The following SMIM36 variants were observed in gnomAD, a reference collection of about 807,000 sequenced individuals.
SMIM36 encodes the protein small integral membrane protein 36.
At chr17:55,463,826 T>C (rs1909187097) in intron 4 of SMIM36, among the ~76,000 whole-genome samples, 1 of 151,740 alleles carries the variant, frequency 6.6e-6, no homozygotes, top group South Asian at 2.1e-4. Context: ...TTTCTGACTA[T>C]AAGAAAAGAG....
At chr17:55,518,514 T>C in the SMIM36 span, among the ~76,000 whole-genome samples, 1 of 152,148 alleles carries the variant, frequency 6.6e-6, no homozygotes, top group Admixed American at 6.5e-5. Flanking sequence ...GACTGTTAGT[T>C]TTGAGATTTT....
intron 1 of SMIM36, among the ~76,000 whole-genome samples, chr17:55,484,612 G>A (rs1030731909): frequency 1.5e-4 from 23 of 152,208 alleles, no homozygotes; most frequent in African/African-American, 5.6e-4. Flanking sequence ...AAAAGATGAG[G>A]CTGCATCAGG....
intron 3 of SMIM36, among the ~76,000 whole-genome samples, chr17:55,472,878 AAAAG>A (rs796462496): frequency 0.034 from 4,775 of 140,136 alleles, 278 homozygotes; most frequent in African/African-American, 0.12. Flanking sequence ...AAAAAAAAAA[AAAAG>A]AAAAGAAAAG....
chr17:55,525,603 A>G, the SMIM36 span, among the ~76,000 whole-genome samples: 7 of 152,348 alleles, frequency 4.6e-5, no homozygotes, highest in African/African-American at 1.7e-4. Flanking sequence ...CACTGAGGAT[A>G]GGGACAAAAT....
chr17:55,513,257 GA>G (rs1279946821), upstream of SMIM36, among the ~76,000 whole-genome samples: 3 of 152,032 alleles, frequency 2.0e-5, no homozygotes, highest in African/African-American at 7.2e-5. Flanking sequence ...TATAAAAGTA[GA>G]AAAAAAGGAC....
chr17:55,501,245 G>A (rs1484603267), intron 1 of SMIM36, among the ~76,000 whole-genome samples: 18 of 11,996 alleles, frequency 1.5e-3, no homozygotes, highest in South Asian at 2.5e-3. Context: ...ATATAATATA[G>A]TATTATATTT....
chr17:55,499,219 T>C (rs1381582324), intron 1 of SMIM36, among the ~76,000 whole-genome samples: 1 of 152,064 alleles, frequency 6.6e-6, no homozygotes, highest in Non-Finnish European at 1.5e-5. Flanking sequence ...GAGGAGAAAA[T>C]CTGAAAGTCC....
intron 1 of SMIM36, among the ~76,000 whole-genome samples, chr17:55,501,476 AATT>A (rs1156509042): frequency 1.8e-4 from 17 of 95,760 alleles, no homozygotes; most frequent in African/African-American, 6.5e-4. Flanking sequence ...TATATTTTAT[AATT>A]ATTATATATA....
chr17:55,509,864 G>A (rs1910150552), intron 1 of SMIM36, among the ~76,000 whole-genome samples: 1 of 152,166 alleles, frequency 6.6e-6, no homozygotes, highest in African/African-American at 2.4e-5. Flanking sequence ...TGAAGGGAGA[G>A]CAGGCAGTGT....
At chr17:55,493,808 CAAAAAAAAAAAA>C (rs10555912) in intron 1 of SMIM36, among the ~76,000 whole-genome samples, 2 of 65,086 alleles carry the variant, frequency 3.1e-5, no homozygotes, top group Non-Finnish European at 6.3e-5. Context: ...CTCTCTCTCT[CAAAAAAAAAAAA>C]AAAAAAAAAA....
At chr17:55,532,114 T>C in the SMIM36 span, among the ~76,000 whole-genome samples, 1,762 of 152,350 alleles carry the variant, frequency 0.012, 44 homozygotes, top group East Asian at 0.093. Flanking sequence ...TCCTAAATAT[T>C]GCTCCTCATT....
intron 1 of SMIM36, among the ~76,000 whole-genome samples, chr17:55,492,564 T>C (rs916795487): frequency 3.3e-5 from 5 of 151,472 alleles, no homozygotes; most frequent in Non-Finnish European, 7.4e-5. Context: ...GGCTTCCCCT[T>C]GATATTTCAA....
intron 1 of SMIM36, among the ~76,000 whole-genome samples, chr17:55,495,342 C>T (rs116345447): frequency 6.6e-6 from 1 of 152,272 alleles, no homozygotes; most frequent in African/African-American, 2.4e-5. Context: ...TACAACACAC[C>T]TGATGGCTGA....
intron 4 of SMIM36, among the ~76,000 whole-genome samples, chr17:55,454,891 C>A (rs560025230): frequency 5.9e-5 from 9 of 152,044 alleles, no homozygotes; most frequent in Admixed American, 1.3e-4. Context: ...TATTTTTTTT[C>A]ATCGTGAAGA....
intron 1 of SMIM36, among the ~76,000 whole-genome samples, chr17:55,501,338 A>ATTATATTCTATAATATATATTATG (rs1909959517): frequency 4.4e-4 from 8 of 18,282 alleles, no homozygotes; most frequent in African/African-American, 3.8e-4. Context: ...TATATAATAT[A>ATTATATTCTATAATATATATTATG]TTATATATTA....
chr17:55,486,830 A>T (rs1909616241), intron 1 of SMIM36, among the ~76,000 whole-genome samples: 1 of 152,262 alleles, frequency 6.6e-6, no homozygotes, highest in Non-Finnish European at 1.5e-5. Context: ...AATGAGAATA[A>T]CTAATATCAG....
chr17:55,531,193 G>T, the SMIM36 span, among the ~76,000 whole-genome samples: 37 of 152,076 alleles, frequency 2.4e-4, no homozygotes, highest in African/African-American at 8.7e-4. Context: ...CCCCAACGCT[G>T]CCTGCCTTTC....
the SMIM36 span, chr17:55,527,924 C>T: frequency 1.3e-5 from 2 of 152,232 alleles, no homozygotes; most frequent in East Asian, 1.9e-4. Flanking sequence ...ACACCTACCC[C>T]TTTTTCTGCA....
the SMIM36 span, among the ~76,000 whole-genome samples, chr17:55,526,636 C>T: frequency 1.3e-5 from 2 of 152,176 alleles, no homozygotes; most frequent in African/African-American, 2.4e-5. Flanking sequence ...TTTTCCTTCC[C>T]ATCAGGATCA....
Sources: gnomAD v4.1 joint callset for allele counts (sites outside exome capture counted in the v4.1 genomes callset) on GRCh38, gnomAD v4.1.1 for gene constraint, MANE v1.5 for transcripts, NCBI Gene and HGNC (gene_info 2026-07-23, HGNC 2026-07-21) for gene names.